The following HNRNPAB variants were observed in gnomAD, a reference collection of about 807,000 sequenced individuals.
HNRNPAB encodes ABBP-1.
Under a neutral mutation model 44.1 loss-of-function variants are expected in HNRNPAB, and 17 were observed. That is an observed-to-expected ratio of 0.39 (90% confidence interval 0.26 to 0.58). The LOEUF is 0.58. Among genes scored for constraint, HNRNPAB ranks in the 20% least tolerant of loss-of-function variants. The pLI, the probability that HNRNPAB is intolerant of heterozygous loss-of-function variation, is 0.63. For synonymous variants in HNRNPAB, 183 were observed against 167.6 expected, an observed-to-expected ratio of 1.09 and a Z score of -0.71; for missense variants, 393 against 432.7, an observed-to-expected ratio of 0.91 and a Z score of 0.81.
rs1291465169 is a variant in HNRNPAB, at chr5:178,210,953, T to G, written c.*330T>G. 3.1e-6 allele frequency: 1 copy of G among 320,292 alleles called. No individual in the cohort carries two copies. The highest frequency in any genetic ancestry group is 6.2e-5 in the East Asian group (1 of 16,254). The allele number at this position is 320,292 out of a possible 1,614,324, so 19.8% of individuals were successfully genotyped here. On this transcript the variant is annotated 3_prime_UTR_variant, in exon 8 of 8. Coordinates refer to ENST00000358344, the MANE Select transcript of HNRNPAB (RefSeq NM_031266.3). ...CTGGTTGTAAAGAGTAAATTGTATC[T>G]TAGGAAACCAGTGTCACCTTTTTTT... is the stretch of plus-strand genomic sequence containing the variant.
chr5:178,207,372 G>A, intron 5 of HNRNPAB, 147 bp downstream of exon 5: 1 of 926,528 alleles, frequency 1.1e-6, no homozygotes, highest in Non-Finnish European at 1.6e-6. Context: ...CCCTGATTGG[G>A]GCAGTGTTCC....
intron 6 of HNRNPAB, 110 bp downstream of exon 6, chr5:178,209,557 G>T: frequency 1.1e-6 from 1 of 920,050 alleles, no homozygotes; most frequent in Non-Finnish European, 1.7e-6. Context: ...GGCAGATTGT[G>T]TGAGGTTGGG....
rs1758054992 is a variant in HNRNPAB at position 178,210,797 on chromosome 5, G to T, written c.*174G>T. 1 of 634,202 alleles carries T rather than the reference G, an allele frequency of 1.6e-6. No individual in the cohort carries two copies. Among genetic ancestry groups the T allele is most frequent in the South Asian group, 1.8e-5 (1 of 55,168 alleles). 39.3% of individuals were successfully genotyped at this position (634,202 alleles called of 1,614,324 possible). A position where few individuals can be genotyped will look rare whatever the true frequency, so the allele number is the denominator to read the frequency against. On this transcript the variant is annotated 3_prime_UTR_variant, in exon 8 of 8. Transcript: ENST00000358344. The stretch of plus-strand genomic sequence containing the variant: ...CCTGTTGACTATTTCCAGAGCTCTA[G>T]GTGTTTAGGCAGCGTGTGGTGTCTG...
intron 2 of HNRNPAB, among the ~76,000 whole-genome samples, chr5:178,205,318 G>A (rs1314148492): frequency 1.3e-5 from 2 of 151,596 alleles, no homozygotes; most frequent in Non-Finnish European, 2.9e-5. Context: ...AGGGGCGGGC[G>A]GATGGCCCGG....
Position 178,210,653 on chromosome 5 carries a change from A to C in HNRNPAB, c.*30A>C. On this transcript the variant is annotated 3_prime_UTR_variant, in exon 8 of 8. Coordinates refer to ENST00000358344, the MANE Select transcript of HNRNPAB (RefSeq NM_031266.3). Reference sequence around the variant, plus strand: ...GCAGCAGGAGCGACCAACTGATCGCACACATGCTTTGTTTGGATATGGAGT... The same window carrying C: ...GCAGCAGGAGCGACCAACTGATCGCCCACATGCTTTGTTTGGATATGGAGT... 1 of 1,559,714 alleles carries C rather than the reference A, an allele frequency of 6.4e-7. No homozygotes were observed. Among genetic ancestry groups the C allele is most frequent in the Non-Finnish European group, 8.8e-7 (1 of 1,130,676 alleles).
Position 178,205,095 on chromosome 5 carries a change from G to T in HNRNPAB, c.209+49G>T, listed in dbSNP as rs1406984399. Reference sequence around the variant, plus strand: ...GGGGCGCCGCCTTTGTTCCGGGGCCGCCTTTTGTTGGCGCCACGCGGCGGG... The same window carrying T: ...GGGGCGCCGCCTTTGTTCCGGGGCCTCCTTTTGTTGGCGCCACGCGGCGGG... On this transcript the variant is annotated intron_variant, in intron 2 of 7. Transcript: ENST00000358344. 7 of 1,170,456 alleles carry T rather than the reference G, an allele frequency of 6.0e-6. No homozygotes were observed. In the African/African-American group the frequency reaches 1.1e-4, roughly 19 times the overall value. The allele number at this position is 1,170,456 out of a possible 1,614,324, so 72.5% of individuals were successfully genotyped here.
rs1048637997 is a variant in HNRNPAB, at chr5:178,207,210, T to C, written c.654T>C (p.Thr218=). ...AGGTTCTGGAGAAAAAGTTCCATAC[T>C]GTCAGTGGAAGCAAGGTAAGGTGTT... ...VKKVLEKKFH[T]VSGSKCEIKV... The change falls in exon 5 of 8, where the codon ACT becomes ACC. Residue 218 remains threonine, a synonymous_variant. Transcript: ENST00000358344. The C allele has an allele frequency of 1.9e-6, 3 of 1,614,060 alleles. No homozygotes were observed. The Admixed American group carries it at 5.0e-5, about 27-fold the overall frequency.
At position 178,206,585 on chromosome 5, in the gene HNRNPAB, A is replaced by T. The variant is rs1561661294; in HGVS notation, c.379-147A>T. The T allele has an allele frequency of 7.8e-6, 6 of 767,606 alleles. No individual in the cohort carries two copies. In the Admixed American group the frequency reaches 1.4e-4, roughly 18 times the overall value. 47.5% of individuals were successfully genotyped at this position (767,606 alleles called of 1,614,324 possible). On this transcript the variant is annotated intron_variant, in intron 3 of 7. Transcript: ENST00000358344. Reference sequence around the variant, plus strand: ...ACCAGCTGTACTTGAGGTTTGATGAAAATTGGGTTGGGAGGTTAAGCTGGG... The same window carrying T: ...ACCAGCTGTACTTGAGGTTTGATGATAATTGGGTTGGGAGGTTAAGCTGGG...
At chr5:178,206,359 A>AGGCTCATTTC (rs1181495279) in intron 3 of HNRNPAB, among the ~76,000 whole-genome samples, 2 of 152,212 alleles carry the variant, frequency 1.3e-5, no homozygotes, top group African/African-American at 4.8e-5. Context: ...CAAAACCCTA[A>AGGCTCATTTC]GGCTCAGAAA....
Position 178,209,439 on chromosome 5 carries a change from G to C in HNRNPAB, c.779G>C (p.Gly260Ala), listed in dbSNP as rs71611419. Reference sequence around the variant, plus strand: ...AACCGAGGCAGCGGAGGTGGTGGTGGAGGTGGAGGTGAGTGGAACGTGGAT... The same window carrying C: ...AACCGAGGCAGCGGAGGTGGTGGTGCAGGTGGAGGTGAGTGGAACGTGGAT... The part of the protein sequence containing the change: ...RGNRGSGGGG[G>A]GGGQSQSWNQ... The change falls in exon 6 of 8, where the codon GGA (glycine) becomes GCA (alanine). Residue 260 changes from glycine to alanine, a missense_variant. Gly to Ala is a moderately conservative substitution (Grantham distance 60). This residue lies in a region of HNRNPAB where 210 missense variants were observed against 196.9 expected (regional missense o/e 1.07). Transcript: ENST00000358344. The C allele has an allele frequency of 5.0e-6, 8 of 1,613,650 alleles. No individual in the cohort carries two copies. Among genetic ancestry groups the C allele is most frequent in the Non-Finnish European group, 5.9e-6 (7 of 1,179,618 alleles).
chr5:178,209,287 G>C (rs1404654188), intron 5 of HNRNPAB, 43 bp from the exon 6 acceptor site: 4 of 1,508,974 alleles, frequency 2.7e-6, no homozygotes, highest in African/African-American at 2.7e-5. Context: ...TCACTGCCCT[G>C]AGTTTGTCCT....
chr5:178,205,554 T>C (rs1757022783), intron 2 of HNRNPAB: 1 of 314,388 alleles, frequency 3.2e-6, no homozygotes, highest in Admixed American at 4.3e-5. Context: ...TACATGGTTG[T>C]AGAACACATG....
chr5:178,210,109 C>G, intron 6 of HNRNPAB, 23 bp from the exon 7 acceptor site: 1 of 1,613,382 alleles, frequency 6.2e-7, no homozygotes, highest in Middle Eastern at 1.7e-4. Context: ...TCCACGGGCC[C>G]CTGTGCCCTG....
In HNRNPAB at chr5:178,206,015, G is replaced by A. The variant is rs767200593; in HGVS notation, c.378+5G>A. ...GATGCAGCCAGTGTGGAGAAGGTAA[G>A]CTGGGTACTGGATTTCAGCAGTCTC... On this transcript the variant is annotated splice_donor_5th_base_variant and intron_variant, in intron 3 of 7. Transcript: ENST00000358344. The A allele has an allele frequency of 1.2e-6, 2 of 1,611,378 alleles. No homozygotes were observed. The highest frequency in any genetic ancestry group is 1.7e-6 in the Non-Finnish European group (2 of 1,178,718).
At chr5:178,205,173 C>A in intron 2 of HNRNPAB, 127 bp downstream of exon 2, 1 of 596,844 alleles carries the variant, frequency 1.7e-6, no homozygotes, top group Middle Eastern at 5.8e-4. Context: ...CGCGGACTGT[C>A]GCCGCTGCGT....
At chr5:178,207,001 C>CTCTG in intron 4 of HNRNPAB, 93 bp from the exon 5 acceptor site, 2 of 1,585,346 alleles carry the variant, frequency 1.3e-6, no homozygotes, top group Non-Finnish European at 1.7e-6. Context: ...ATTTTTCACC[C>CTCTG]TCTGTCTTCA....
chr5:178,210,922 T>C lies in HNRNPAB; in HGVS notation c.*299T>C, dbSNP rs903413085. The C allele has an allele frequency of 4.7e-6, 2 of 424,800 alleles. No homozygotes were observed. Among genetic ancestry groups the C allele is most frequent in the East Asian group, 4.3e-5 (1 of 23,386 alleles). The allele number at this position is 424,800 out of a possible 1,614,324, so 26.3% of individuals were successfully genotyped here. On this transcript the variant is annotated 3_prime_UTR_variant, in exon 8 of 8. Transcript: ENST00000358344. The stretch of plus-strand genomic sequence containing the variant: ...GCTGCCGCTCTGCAGCCTGGACCTG[T>C]GGACCCTGGTTGTAAAGAGTAAATT...
At chr5:178,210,409 C>T in intron 7 of HNRNPAB, 137 bp downstream of exon 7, 1 of 1,544,174 alleles carries the variant, frequency 6.5e-7, no homozygotes, top group Non-Finnish European at 8.8e-7. Context: ...TGATTTTGAG[C>T]CTTAGACTTC....
At chr5:178,207,304 C>G in intron 5 of HNRNPAB, 79 bp downstream of exon 5, 1 of 1,542,594 alleles carries the variant, frequency 6.5e-7, no homozygotes, top group South Asian at 1.2e-5. Context: ...GGGGTTGGGC[C>G]TCATGCAGGA....
Sources: gnomAD v4.1 joint callset for allele counts (sites outside exome capture counted in the v4.1 genomes callset) on GRCh38, gnomAD v4.1.1 for gene constraint, gnomAD v4.1.1 regional missense constraint, MANE v1.5 for transcripts, NCBI Gene and HGNC (gene_info 2026-07-23, HGNC 2026-07-21) for gene names.